Variants in CCDC146 observed in about 807,000 individuals in gnomAD.
The protein encoded by CCDC146 is coiled-coil domain containing 146.
CCDC146 carries 92 observed loss-of-function variants against 119.3 expected under a neutral mutation model. The ratio of observed to expected loss-of-function variants is 0.77; its 90% CI spans 0.65 to 0.92. The LOEUF (loss-of-function observed/expected upper bound fraction) is 0.92, where lower values mean the gene tolerates loss of function less well. Ranked by LOEUF, CCDC146 falls within the 40% of genes least tolerant of loss-of-function variation. The pLI is 0.00. For synonymous variants in CCDC146, 372 were observed against 371.8 expected (o/e 1.00, Z -0.01); for missense variants, 1,000 against 1,103.0 (o/e 0.91, Z 1.32).
intron 7 of CCDC146, 191 bp downstream of exon 7, chr7:77,259,259 A>G (rs1212392571): frequency 2.0e-6 from 1 of 508,580 alleles, no homozygotes; most frequent in Non-Finnish European, 3.5e-6. Flanking sequence ...TATCATTCAT[A>G]GTATTTATGG....
intron 2 of CCDC146, among the ~76,000 whole-genome samples, chr7:77,188,805 G>A (rs535939527): frequency 6.6e-6 from 1 of 152,236 alleles, no homozygotes; most frequent in Non-Finnish European, 1.5e-5. Flanking sequence ...TATATCTAAC[G>A]TAATCTAAAA....
Position 77,279,065 on chromosome 7 carries a change from T to G in CCDC146, c.1658T>G (p.Leu553Arg), listed in dbSNP as rs1223912481. ...AGGCATAAAATGTCATTAAATGAAC[T>G]TGAAATTCTGAGAAATAGTGCCGTT... ...KERHKMSLNE[L>R]EILRNSAVSQ... Residue 553 changes from leucine (L) to arginine (R), a missense_variant, in exon 13 of 19, where the codon CTT (leucine) becomes CGT (arginine). Coordinates refer to ENST00000285871, the MANE Select transcript of CCDC146 (RefSeq NM_020879.3). The G allele has an allele frequency of 3.1e-6, 5 of 1,611,076 alleles. No homozygotes were observed. The highest frequency in any genetic ancestry group is 3.4e-6 in the Non-Finnish European group (4 of 1,178,474).
In CCDC146 at chr7:77,294,891, C is replaced by G. The variant is rs1379610896; in HGVS notation, c.*25C>G. ...AATATGTGAACAAATCCAGGCCTCT[C>G]AAGGAAAAGACTTCAACCAGGCTTC... On this transcript the variant is annotated 3_prime_UTR_variant, in exon 19 of 19. Coordinates refer to ENST00000285871, the MANE Select transcript of CCDC146 (RefSeq NM_020879.3). 6.3e-7 allele frequency: 1 copy of G among 1,593,404 alleles called. No individual in the cohort carries two copies. The highest frequency in any genetic ancestry group is 1.3e-5 in the African/African-American group (1 of 74,248).
intron 2 of CCDC146, among the ~76,000 whole-genome samples, chr7:77,189,188 C>T (rs778010987): frequency 6.6e-6 from 1 of 151,998 alleles, no homozygotes; most frequent in Non-Finnish European, 1.5e-5. Context: ...CACTCCATTC[C>T]ACTCCTCACA....
chr7:77,278,768 T>G lies in CCDC146; in HGVS notation c.1457T>G (p.Ile486Ser). The change falls in exon 12 of 19, where the codon ATT becomes AGT. Residue 486 changes from isoleucine to serine, a missense_variant. By Grantham distance (142) the Ile-to-Ser change is moderately radical. Transcript: ENST00000285871. ...FLKAQQKYTN[I>S]VKEMKAKDLE... ...ACATTTCAGCAAAAATACACCAACA[T>G]TGTTAAAGAAATGAAAGCAAAGGAT... 6.2e-7 allele frequency: 1 copy of G among 1,610,936 alleles called. No individual in the cohort carries two copies. Among genetic ancestry groups the G allele is most frequent in the Admixed American group, 1.7e-5 (1 of 59,256 alleles).
At chr7:77,225,878 G>A (rs1792502374) in intron 2 of CCDC146, among the ~76,000 whole-genome samples, 1 of 152,062 alleles carries the variant, frequency 6.6e-6, no homozygotes, top group Non-Finnish European at 1.5e-5. Context: ...TGGAGGCGGA[G>A]GTTGCAGTGA....
intron 2 of CCDC146, among the ~76,000 whole-genome samples, chr7:77,236,271 A>G (rs1320540442): frequency 6.6e-6 from 1 of 152,182 alleles, no homozygotes; most frequent in African/African-American, 2.4e-5. Context: ...CACCTAACTC[A>G]GAAAACAGAT....
At chr7:77,178,899 A>C (rs1791539994) in intron 2 of CCDC146, among the ~76,000 whole-genome samples, 2 of 152,312 alleles carry the variant, frequency 1.3e-5, no homozygotes, top group Admixed American at 1.3e-4. Flanking sequence ...TAAACATGGA[A>C]GCTTAAGGAT....
chr7:77,167,594 ATTAATTTTACTTTATAAGTG>A, intron 1 of CCDC146, 44 bp from the exon 2 acceptor site: 1 of 1,193,118 alleles, frequency 8.4e-7, no homozygotes, highest in Non-Finnish European at 1.1e-6. Flanking sequence ...ATTATTTTCC[ATTAATTTTACTTTATAAGTG>A]AAGACACTCC....
At chr7:77,222,752 A>G (rs1274208560) in intron 2 of CCDC146, among the ~76,000 whole-genome samples, 2 of 152,190 alleles carry the variant, frequency 1.3e-5, no homozygotes, top group African/African-American at 2.4e-5. Context: ...TCTGGTCTCT[A>G]AGGGCCCAGG....
chr7:77,286,678 T>A (rs1038771367), intron 15 of CCDC146, 120 bp from the exon 16 acceptor site: 31 of 892,104 alleles, frequency 3.5e-5, no homozygotes, highest in Non-Finnish European at 4.9e-5. Context: ...AAAACAGAGT[T>A]CTCTTCTACC....
rs1419041215 is a variant in CCDC146, at chr7:77,294,857, T to G, written c.2859T>G (p.Val953=). The G allele has an allele frequency of 1.9e-6, 3 of 1,613,550 alleles. No individual in the cohort carries two copies. The highest frequency in any genetic ancestry group is 2.2e-5 in the East Asian group (1 of 44,866). Residue 953 remains valine, a synonymous_variant, in exon 19 of 19, where the codon GTT becomes GTG. Coordinates refer to ENST00000285871, the MANE Select transcript of CCDC146 (RefSeq NM_020879.3). ...TAAGGAAACCTGTTATAAAGCCAGT[T>G]GAAATCTGAATATGTGAACAAATCC... ...RHIRKPVIKP[V]EI
Position 77,294,681 on chromosome 7 carries a change from A to C in CCDC146, c.2683A>C (p.Asn895His). ...EKSQEFLEAD[N>H]RQLPNGVYTT... ...TTTGCAGGAGTTCTTGGAAGCAGATAATCGCCAGCTGCCCAATGGTGTTTA... is the reference window on the plus strand; with the variant it reads ...TTTGCAGGAGTTCTTGGAAGCAGATCATCGCCAGCTGCCCAATGGTGTTTA... Residue 895 changes from asparagine to histidine, a missense_variant, in exon 19 of 19, where the codon AAT becomes CAT. Around this residue, in one of 2 missense-constraint regions of CCDC146, gnomAD observed 985 missense variants for 1,045.3 expected, o/e 0.94. Coordinates refer to ENST00000285871, the MANE Select transcript of CCDC146 (RefSeq NM_020879.3). The C allele has an allele frequency of 6.2e-7, 1 of 1,614,152 alleles. No homozygotes were observed. Among genetic ancestry groups the C allele is most frequent in the Non-Finnish European group, 8.5e-7 (1 of 1,180,000 alleles).
At chr7:77,178,351 C>A (rs562198048) in intron 2 of CCDC146, among the ~76,000 whole-genome samples, 2 of 152,302 alleles carry the variant, frequency 1.3e-5, no homozygotes, top group East Asian at 3.9e-4. Context: ...AAAATTGGTC[C>A]TTTACCTCCT....
At chr7:77,251,706 G>C (rs1363502653) in intron 4 of CCDC146, among the ~76,000 whole-genome samples, 2 of 152,180 alleles carry the variant, frequency 1.3e-5, no homozygotes, top group African/African-American at 4.8e-5. Context: ...TCTGGGGGAA[G>C]GGAACCTTTG....
intron 2 of CCDC146, among the ~76,000 whole-genome samples, chr7:77,177,401 G>C (rs1448300119): frequency 2.6e-5 from 4 of 152,130 alleles, no homozygotes; most frequent in Non-Finnish European, 5.9e-5. Context: ...TTTTCAGAAC[G>C]ATTCTGTAAT....
chr7:77,257,386 G>A (rs1046512687), intron 6 of CCDC146: 11 of 152,158 alleles, frequency 7.2e-5, no homozygotes, highest in African/African-American at 2.7e-4. Flanking sequence ...TTGGCTTAGG[G>A]GATAATGGTG....
intron 9 of CCDC146, among the ~76,000 whole-genome samples, chr7:77,268,478 G>T (rs1054526803): frequency 2.0e-5 from 3 of 152,108 alleles, no homozygotes; most frequent in Admixed American, 6.5e-5. Flanking sequence ...GTCCATTTCT[G>T]TATGTGCTTA....
At position 77,212,332 on chromosome 7, in the gene CCDC146, A is replaced by G. The variant is rs140105725; in HGVS notation, c.157-24615A>G. 3.9e-5 allele frequency among the ~76,000 whole-genome samples: 6 copies of G among 152,322 alleles called. No individual in the cohort carries two copies. In the East Asian group the frequency reaches 1.2e-3, roughly 29 times the overall value. On this transcript the variant is annotated intron_variant, in intron 2 of 18. Coordinates refer to ENST00000285871, the MANE Select transcript of CCDC146 (RefSeq NM_020879.3). Reference sequence around the variant, plus strand: ...TAATAAGAATAACAAGTTCAAAAACATATTGAAGGCTGGGCATGGTGGCTC... The same window carrying G: ...TAATAAGAATAACAAGTTCAAAAACGTATTGAAGGCTGGGCATGGTGGCTC...
Sources: gnomAD v4.1 joint callset for allele counts (sites outside exome capture counted in the v4.1 genomes callset) on GRCh38, gnomAD v4.1.1 for gene constraint, gnomAD v4.1.1 regional missense constraint, MANE v1.5 for transcripts, NCBI Gene and HGNC (gene_info 2026-07-23, HGNC 2026-07-21) for gene names.